DNM1L: variants seen among roughly 807,000 people sequenced by gnomAD.
The protein encoded by DNM1L is dynamin-1-like protein.
A neutral mutation model predicts 92.8 loss-of-function variants in DNM1L; 33 were observed. The ratio of observed to expected loss-of-function variants is 0.36; its 90% CI spans 0.27 to 0.48. The LOEUF (loss-of-function observed/expected upper bound fraction) is 0.48, where lower values mean the gene tolerates loss of function less well. DNM1L is among the 20% of genes least tolerant of loss of function. The pLI is 0.99. For missense variants in DNM1L, 485 were observed against 888.8 expected (o/e 0.55, Z 5.78); for synonymous variants, 284 against 305.0 (o/e 0.93, Z 0.72).
intron 9 of DNM1L, among the ~76,000 whole-genome samples, chr12:32,726,065 A>G (rs533006177): frequency 4.2e-4 from 64 of 152,134 alleles, no homozygotes; most frequent in Admixed American, 1.6e-3. Flanking sequence ...AAATTACGAA[A>G]AAAAAAAGTG....
intron 2 of DNM1L, among the ~76,000 whole-genome samples, chr12:32,705,239 G>A (rs1952878092): frequency 6.6e-6 from 1 of 152,096 alleles, no homozygotes; most frequent in South Asian, 2.1e-4. Context: ...CTGACCTCAG[G>A]TGATCCGTCT....
chr12:32,712,353 T>G (rs1953161075), intron 5 of DNM1L, among the ~76,000 whole-genome samples: 1 of 152,194 alleles, frequency 6.6e-6, no homozygotes, highest in African/African-American at 2.4e-5. Flanking sequence ...CTTTGGAATT[T>G]CTTCCCCCAG....
chr12:32,739,109 ATAC>A (rs1955105463), intron 16 of DNM1L, among the ~76,000 whole-genome samples: 1 of 152,180 alleles, frequency 6.6e-6, no homozygotes. Context: ...TAACATAAAT[ATAC>A]TACTTATATT....
intron 2 of DNM1L, among the ~76,000 whole-genome samples, chr12:32,703,355 C>G (rs1952789979): frequency 6.6e-6 from 1 of 151,982 alleles, no homozygotes; most frequent in South Asian, 2.1e-4. Context: ...AATGACAACT[C>G]AACTACCCCA....
intron 4 of DNM1L, 27 bp downstream of exon 4, chr12:32,708,251 C>T: frequency 7.4e-7 from 1 of 1,345,422 alleles, no homozygotes; most frequent in South Asian, 1.2e-5. Context: ...AGCTAGAAGG[C>T]ATAAGCATCA....
At chr12:32,697,215 C>T (rs1293938224) in intron 1 of DNM1L, among the ~76,000 whole-genome samples, 3 of 151,706 alleles carry the variant, frequency 2.0e-5, no homozygotes, top group African/African-American at 4.8e-5. Context: ...GGTGATAGAG[C>T]GAGACTCTCT....
chr12:32,722,587 TG>T lies in DNM1L; in HGVS notation c.1034del (p.Cys345LeufsTer34), dbSNP rs1467203496. ...TATTACCAAATTTGCCACAGAATAT[TG>T]TAACACTATTGAAGGAACTGCAAAA... ...QLITKFATEY[C>X]NTIEGTAKYI... On this transcript the variant is annotated frameshift_variant, in exon 9 of 20. Coordinates refer to ENST00000549701, the MANE Select transcript of DNM1L (RefSeq NM_012062.5). LOFTEE classifies it high-confidence loss of function. 6.2e-7 allele frequency: 1 copy of T among 1,613,184 alleles called. No homozygotes were observed. Among genetic ancestry groups the T allele is most frequent in the African/African-American group, 1.3e-5 (1 of 75,028 alleles).
Position 32,744,994 on chromosome 12 carries a change from G to T in DNM1L, c.*1584G>T, listed in dbSNP as rs187008477. On this transcript the variant is annotated 3_prime_UTR_variant, in exon 20 of 20. Coordinates refer to ENST00000549701, the MANE Select transcript of DNM1L (RefSeq NM_012062.5). Reference sequence around the variant, plus strand: ...AGGTATTTATGAAGGACTATTGGCAGGGAAAATATGAATATGTTAACTTTA... The same window carrying T: ...AGGTATTTATGAAGGACTATTGGCATGGAAAATATGAATATGTTAACTTTA... 56 of 517,536 alleles carry T rather than the reference G, an allele frequency of 1.1e-4. No homozygotes were observed. The highest frequency in any genetic ancestry group is 8.3e-4 in the African/African-American group (43 of 51,888). 32.1% of individuals were successfully genotyped at this position (517,536 alleles called of 1,614,324 possible).
intron 1 of DNM1L, among the ~76,000 whole-genome samples, chr12:32,681,146 A>T (rs1302353273): frequency 6.6e-6 from 1 of 152,188 alleles, no homozygotes; most frequent in African/African-American, 2.4e-5. Context: ...ATGTGCAAAA[A>T]CCATCCTAGT....
intron 1 of DNM1L, among the ~76,000 whole-genome samples, chr12:32,697,256 A>G (rs985288726): frequency 5.3e-5 from 8 of 152,116 alleles, no homozygotes; most frequent in Non-Finnish European, 7.4e-5. Flanking sequence ...AGTCACAAAC[A>G]ATATGCTAGA....
chr12:32,689,323 G>C (rs144226314), intron 1 of DNM1L, among the ~76,000 whole-genome samples: 1 of 151,984 alleles, frequency 6.6e-6, no homozygotes, highest in Non-Finnish European at 1.5e-5. Flanking sequence ...TCAGCTTCCC[G>C]AGTAGCTGGG....
rs550823466 is a variant in DNM1L at position 32,679,310 on chromosome 12, G to A, written c.-54G>A. 22 of 1,267,394 alleles carry A rather than the reference G, an allele frequency of 1.7e-5. No homozygotes were observed. The highest frequency in any genetic ancestry group is 2.4e-5 in the Non-Finnish European group (21 of 873,702). 78.5% of individuals were successfully genotyped at this position (1,267,394 alleles called of 1,614,324 possible). A position where few individuals can be genotyped will look rare whatever the true frequency, so the allele number is the denominator to read the frequency against. On this transcript the variant is annotated 5_prime_UTR_variant, in exon 1 of 20. Transcript: ENST00000549701. ...AGGAAGGAGGCGAACTGTGGGCCCC[G>A]GCCCCATTCATTGCCGTGGCCGGCG...
chr12:32,717,343 ATATAT>A (rs1953467799), intron 6 of DNM1L, among the ~76,000 whole-genome samples: 3 of 65,906 alleles, frequency 4.6e-5, no homozygotes, highest in South Asian at 6.3e-4. Context: ...TATATATACT[ATATAT>A]TATATATAGT....
intron 1 of DNM1L, among the ~76,000 whole-genome samples, chr12:32,696,303 A>G (rs2389082): frequency 0.19 from 28,268 of 151,810 alleles, 3,130 homozygotes; most frequent in African/African-American, 0.32. Context: ...TTGGGAGGCC[A>G]AGGTGGGGGT....
At chr12:32,735,824 C>A (rs1327943827) in intron 13 of DNM1L, among the ~76,000 whole-genome samples, 1 of 151,896 alleles carries the variant, frequency 6.6e-6, no homozygotes, top group Non-Finnish European at 1.5e-5. Flanking sequence ...TTGCAGTGAG[C>A]CAAGATCACA....
chr12:32,731,660 A>C lies in DNM1L; in HGVS notation c.1356+149A>C. On this transcript the variant is annotated intron_variant, in intron 11 of 19. Coordinates refer to ENST00000549701, the MANE Select transcript of DNM1L (RefSeq NM_012062.5). This position sits in a 1 kb window ranked among gnomAD's most constrained non-coding sequence, Gnocchi z 5.1. The stretch of plus-strand genomic sequence containing the variant: ...AAAGTGATTTGAAATAGGATTCTTA[A>C]ATGTAGTCTCCAAATTGAATTCAGT... 2 of 1,131,984 alleles carry C rather than the reference A, an allele frequency of 1.8e-6. No individual in the cohort carries two copies. Among genetic ancestry groups the C allele is most frequent in the South Asian group, 2.8e-5 (2 of 72,590 alleles). The allele number at this position is 1,131,984 out of a possible 1,614,324, so 70.1% of individuals were successfully genotyped here. A position where few individuals can be genotyped will look rare whatever the true frequency, so the allele number is the denominator to read the frequency against.
At position 32,731,060 on chromosome 12, in the gene DNM1L, C is replaced by T. The variant is rs768149530; in HGVS notation, c.1126C>T (p.Arg376Ter). 2.5e-6 allele frequency: 4 copies of T among 1,613,900 alleles called. No individual in the cohort carries two copies. The highest frequency in any genetic ancestry group is 3.4e-6 in the Non-Finnish European group (4 of 1,179,956). Residue 376 changes from arginine (R) to a stop codon, truncating the protein, a stop_gained, in exon 10 of 20, where the codon CGA becomes TGA. Coordinates refer to ENST00000549701, the MANE Select transcript of DNM1L (RefSeq NM_012062.5). LOFTEE classifies it high-confidence loss of function. This position sits in a 1 kb window ranked among gnomAD's most constrained non-coding sequence, Gnocchi z 5.1. ...TTATATTTTCCATGAGACTTTTGGGCGAACCTTAGAATCTGTTGATCCACT... is the reference window on the plus strand; with the variant it reads ...TTATATTTTCCATGAGACTTTTGGGTGAACCTTAGAATCTGTTGATCCACT... ...ICYIFHETFG[R>*]TLESVDPLGG...
intron 1 of DNM1L, among the ~76,000 whole-genome samples, chr12:32,696,451 C>T (rs1952468751): frequency 6.6e-6 from 1 of 151,720 alleles, no homozygotes; most frequent in African/African-American, 2.4e-5. Flanking sequence ...CGCATGCATG[C>T]ACACGCTGGG....
In DNM1L at chr12:32,745,378, C is replaced by CTAG. The variant is rs1955585863; in HGVS notation, c.*1971_*1973dup. Reference sequence around the variant, plus strand: ...AAGACATGCTATGGTAATGCACTTGCTAGTACTACACACTTTGTACAACAA... The same window carrying CTAG: ...AAGACATGCTATGGTAATGCACTTGCTAGTAGTACTACACACTTTGTACAACAA... On this transcript the variant is annotated 3_prime_UTR_variant, in exon 20 of 20. Coordinates refer to ENST00000549701, the MANE Select transcript of DNM1L (RefSeq NM_012062.5). The CTAG allele has an allele frequency of 5.0e-6, 1 of 201,438 alleles. No homozygotes were observed. Among genetic ancestry groups the CTAG allele is most frequent in the African/African-American group, 2.4e-5 (1 of 41,826 alleles). 12.5% of individuals were successfully genotyped at this position (201,438 alleles called of 1,614,324 possible). A position where few individuals can be genotyped will look rare whatever the true frequency, so the allele number is the denominator to read the frequency against.
Sources: allele counts gnomAD v4.1 joint callset (sites outside exome capture counted in the v4.1 genomes callset), GRCh38; gene constraint gnomAD v4.1.1; non-coding constraint Gnocchi (gnomAD v3.1); transcripts MANE v1.5; gene names NCBI Gene and HGNC (gene_info 2026-07-23, HGNC 2026-07-21).